The following TRARG1 variants were observed in gnomAD, a reference collection of about 807,000 sequenced individuals.
TRARG1 encodes the protein trafficking regulator of GLUT4 (SLC2A4) 1 (gene/pseudogene), also known as trafficking regulator of GLUT4 1.
In TRARG1, 16 loss-of-function variants were observed where a neutral mutation model predicts 13.3. The ratio of observed to expected loss-of-function variants is 1.20; its 90% CI spans 0.81 to 1.83. The LOEUF is 1.83. TRARG1 is among the 40% of genes most tolerant of loss of function. TRARG1 has a pLI of 0.00. For missense variants in TRARG1, 250 were observed against 237.4 expected (o/e 1.05, Z -0.35); for synonymous variants, 113 against 106.2 (o/e 1.06, Z -0.39).
intron 1 of TRARG1, among the ~76,000 whole-genome samples, chr17:1,281,930 A>G (rs993042917): frequency 6.6e-6 from 1 of 151,652 alleles, no homozygotes; most frequent in Non-Finnish European, 1.5e-5. Context: ...ATATACATAT[A>G]CATACATGTA....
intron 2 of TRARG1, 93 bp from the exon 3 acceptor site, chr17:1,298,158 A>C (rs2072125946): frequency 6.5e-7 from 1 of 1,531,248 alleles, no homozygotes; most frequent in African/African-American, 1.4e-5. Flanking sequence ...ACCACTTCCC[A>C]CTGGGAACCA....
intron 1 of TRARG1, among the ~76,000 whole-genome samples, chr17:1,285,446 C>G (rs1247937165): frequency 6.7e-6 from 1 of 150,140 alleles, no homozygotes; most frequent in African/African-American, 2.5e-5. Flanking sequence ...GTGGCTCACA[C>G]CTGCAATCCC....
rs1396614164 is a variant in TRARG1, at chr17:1,300,769, G to C, written c.*2505G>C. ...CACAGCCCGTGCCCCACGCCGCCTG[G>C]AGGCCAGAGGGGTCAGTGGCCCTGC... On this transcript the variant is annotated 3_prime_UTR_variant, in exon 3 of 3. Coordinates refer to ENST00000333813, the MANE Select transcript of TRARG1 (RefSeq NM_172367.3). 6.6e-6 allele frequency: 1 copy of C among 152,326 alleles called. No individual in the cohort carries two copies. The highest frequency in any genetic ancestry group is 1.5e-5 in the Non-Finnish European group (1 of 68,130). The allele number at this position is 152,326 out of a possible 1,614,324, so 9.4% of individuals were successfully genotyped here.
intron 1 of TRARG1, among the ~76,000 whole-genome samples, chr17:1,282,231 T>TGTACGTATAC (rs2071984331): frequency 7.1e-6 from 1 of 140,766 alleles, no homozygotes; most frequent in Admixed American, 6.9e-5. Context: ...CGTGCGTATA[T>TGTACGTATAC]GTACGTATAT....
chr17:1,282,027 T>C (rs1037866164), intron 1 of TRARG1, among the ~76,000 whole-genome samples: 67 of 139,306 alleles, frequency 4.8e-4, no homozygotes, highest in Middle Eastern at 6.7e-3. Context: ...TATACATATG[T>C]ACATATATAC....
chr17:1,294,460 G>T (rs576205273), intron 1 of TRARG1, among the ~76,000 whole-genome samples: 3 of 130,978 alleles, frequency 2.3e-5, no homozygotes, highest in African/African-American at 9.0e-5. Flanking sequence ...AGGCTGTGAA[G>T]ACAGTGTCTT....
rs72816282 is a variant in TRARG1, at chr17:1,298,751, G to C, written c.*487G>C. On this transcript the variant is annotated 3_prime_UTR_variant, in exon 3 of 3. Coordinates refer to ENST00000333813, the MANE Select transcript of TRARG1 (RefSeq NM_172367.3). ...AAAGAATGGACTGTTTGCATGCTTCGTGCCACACGCCCGCGGTGATCCCAG... is the reference window on the plus strand; with the variant it reads ...AAAGAATGGACTGTTTGCATGCTTCCTGCCACACGCCCGCGGTGATCCCAG... The C allele has an allele frequency of 3.1e-3, 490 of 157,202 alleles. 1 individual carries two copies. The highest frequency in any genetic ancestry group is 5.1e-3 in the Non-Finnish European group (363 of 71,426). The allele number at this position is 157,202 out of a possible 1,614,324, so 9.7% of individuals were successfully genotyped here. A position where few individuals can be genotyped will look rare whatever the true frequency, so the allele number is the denominator to read the frequency against.
intron 1 of TRARG1, among the ~76,000 whole-genome samples, chr17:1,290,356 C>A (rs543661880): frequency 5.9e-5 from 9 of 152,250 alleles, no homozygotes; most frequent in African/African-American, 2.2e-4. Context: ...AGTGCAATGG[C>A]GTGATCTCAG....
rs976909081 is a variant in TRARG1, at chr17:1,284,782, G to A, written c.387+4394G>A. ...TGCAAGCTCCACCTCCCGGGTTCACGCCATTCTCCTGCCTCAGCCTCCTGA... is the reference window on the plus strand; with the variant it reads ...TGCAAGCTCCACCTCCCGGGTTCACACCATTCTCCTGCCTCAGCCTCCTGA... On this transcript the variant is annotated intron_variant, in intron 1 of 2. Transcript: ENST00000333813. 5.3e-5 allele frequency among the ~76,000 whole-genome samples: 8 copies of A among 152,138 alleles called. No homozygotes were observed. The East Asian group carries it at 9.7e-4, about 18-fold the overall frequency.
chr17:1,284,166 C>T (rs1209091982), intron 1 of TRARG1, among the ~76,000 whole-genome samples: 2 of 151,978 alleles, frequency 1.3e-5, no homozygotes, highest in African/African-American at 4.8e-5. Flanking sequence ...AAACCCTGTC[C>T]CCTTCAGCTG....
chr17:1,289,220 GC>G, intron 1 of TRARG1, among the ~76,000 whole-genome samples: 1 of 14,164 alleles, frequency 7.1e-5, no homozygotes, highest in African/African-American at 4.5e-4. Flanking sequence ...TCCCCCACGG[GC>G]TCCTCAACCC....
In TRARG1 at chr17:1,299,909, AG is replaced by A. The variant is rs2072142628; in HGVS notation, c.*1649del. 1 of 152,372 alleles carries A rather than the reference AG, an allele frequency of 6.6e-6. No homozygotes were observed. 9.4% of individuals were successfully genotyped at this position (152,372 alleles called of 1,614,324 possible). ...CAGTACAGAGGTTCTGTCTACAGGG[AG>A]GGGCCCTGGGTCTATGCACAGCTGG... is the stretch of plus-strand genomic sequence containing the variant. On this transcript the variant is annotated 3_prime_UTR_variant, in exon 3 of 3. Coordinates refer to ENST00000333813, the MANE Select transcript of TRARG1 (RefSeq NM_172367.3).
chr17:1,282,071 T>TATATACAC (rs1555630783), intron 1 of TRARG1, among the ~76,000 whole-genome samples: 4 of 149,852 alleles, frequency 2.7e-5, no homozygotes, highest in African/African-American at 9.8e-5. Context: ...TGTATACACA[T>TATATACAC]ATATACATAT....
Position 1,300,512 on chromosome 17 carries a change from C to T in TRARG1, c.*2248C>T, listed in dbSNP as rs1377513459. ...CAGAACCCAGGACAGCCACAGCCAC[C>T]GCTTAGGGGAAGCCACTGCAGATGC... is the stretch of plus-strand genomic sequence containing the variant. On this transcript the variant is annotated 3_prime_UTR_variant, in exon 3 of 3. Coordinates refer to ENST00000333813, the MANE Select transcript of TRARG1 (RefSeq NM_172367.3). 1 of 152,846 alleles carries T rather than the reference C, an allele frequency of 6.5e-6. No individual in the cohort carries two copies. Among genetic ancestry groups the T allele is most frequent in the Non-Finnish European group, 1.5e-5 (1 of 68,632 alleles). 9.5% of individuals were successfully genotyped at this position (152,846 alleles called of 1,614,324 possible). A position where few individuals can be genotyped will look rare whatever the true frequency, so the allele number is the denominator to read the frequency against.
chr17:1,283,532 C>T (rs772346430), intron 1 of TRARG1, among the ~76,000 whole-genome samples: 8 of 152,098 alleles, frequency 5.3e-5, no homozygotes, highest in Non-Finnish European at 5.9e-5. Context: ...CCTGGCCGGG[C>T]GCAGTGGCTC....
chr17:1,296,952 A>T (rs888810972), intron 2 of TRARG1, among the ~76,000 whole-genome samples: 1 of 151,882 alleles, frequency 6.6e-6, no homozygotes, highest in Non-Finnish European at 1.5e-5. Flanking sequence ...GCCCAGGGGA[A>T]CCATTTTCAA....
In TRARG1 at chr17:1,298,720, G is replaced by A. The variant is rs2072130677; in HGVS notation, c.*456G>A. 5.9e-6 allele frequency: 1 copy of A among 168,316 alleles called. No individual in the cohort carries two copies. Among genetic ancestry groups the A allele is most frequent in the Non-Finnish European group, 1.3e-5 (1 of 78,940 alleles). The allele number at this position is 168,316 out of a possible 1,614,324, so 10.4% of individuals were successfully genotyped here. A position where few individuals can be genotyped will look rare whatever the true frequency, so the allele number is the denominator to read the frequency against. ...GCCCCATCTTTTGTGTTTTCCTCAA[G>A]CGGGGAAAGAATGGACTGTTTGCAT... On this transcript the variant is annotated 3_prime_UTR_variant, in exon 3 of 3. Coordinates refer to ENST00000333813, the MANE Select transcript of TRARG1 (RefSeq NM_172367.3).
At position 1,282,285 on chromosome 17, in the gene TRARG1, C is replaced by CATATGCGT. The variant is rs1454874243; in HGVS notation, c.387+1901_387+1902insGCGTATAT. Among the ~76,000 whole-genome samples the CATATGCGT allele has an allele frequency of 5.9e-4, 81 of 136,882 alleles. 1 individual carries two copies. The highest frequency in any genetic ancestry group is 2.3e-3 in the South Asian group (10 of 4,396). The allele number at this position is 136,882 out of a possible 152,430, so 89.8% of individuals were successfully genotyped here. Reference sequence around the variant, plus strand: ...ATGTACATATATGCACGTATATGTACATATATGTACGTATATGTACATATG... The same window carrying CATATGCGT: ...ATGTACATATATGCACGTATATGTACATATGCGTATATATGTACGTATATGTACATATG... On this transcript the variant is annotated intron_variant, in intron 1 of 2. Coordinates refer to ENST00000333813, the MANE Select transcript of TRARG1 (RefSeq NM_172367.3).
intron 1 of TRARG1, among the ~76,000 whole-genome samples, chr17:1,288,515 CCATCCCCCTCCAGCTTCT>C (rs2072042798): frequency 2.4e-5 from 2 of 83,406 alleles, no homozygotes; most frequent in South Asian, 5.0e-4. Flanking sequence ...CACGGGCTCC[CCATCCCCCTCCAGCTTCT>C]CATCCCCCAC....
Sources: gnomAD v4.1 joint callset for allele counts (sites outside exome capture counted in the v4.1 genomes callset) on GRCh38, gnomAD v4.1.1 for gene constraint, MANE v1.5 for transcripts, NCBI Gene and HGNC (gene_info 2026-07-23, HGNC 2026-07-21) for gene names.